KCTD1: variants seen among roughly 807,000 people sequenced by gnomAD.
KCTD1 encodes BTB/POZ domain-containing protein KCTD1.
A neutral mutation model predicts 66.0 loss-of-function variants in KCTD1; 24 were observed. The observed-to-expected ratio is 0.36, with a 90% CI of 0.26 to 0.51. The LOEUF (loss-of-function observed/expected upper bound fraction) is 0.51, where lower values mean the gene tolerates loss of function less well. Among genes scored for constraint, KCTD1 ranks in the 20% least tolerant of loss-of-function variants. KCTD1 has a pLI of 0.95. For synonymous variants in KCTD1, 511 were observed against 517.2 expected (o/e 0.99, Z 0.16); for missense variants, 943 against 1,205.2 (o/e 0.78, Z 3.22).
intron 2 of KCTD1, among the ~76,000 whole-genome samples, chr18:26,500,275 C>G (rs76421201): frequency 0.022 from 3,275 of 151,546 alleles, 120 homozygotes; most frequent in African/African-American, 0.075. Flanking sequence ...AAAAAAAAAG[C>G]TGGGCATGGG....
At chr18:26,532,261 CTTTTTTTTTTTTT>C (rs533359603) in intron 1 of KCTD1, among the ~76,000 whole-genome samples, 1 of 29,556 alleles carries the variant, frequency 3.4e-5, no homozygotes, top group African/African-American at 6.5e-5. Context: ...TTCTTTCCTT[CTTTTTTTTTTTTT>C]TTTTTTTTTT....
At chr18:26,497,452 T>G (rs1187166680) in intron 2 of KCTD1, among the ~76,000 whole-genome samples, 1 of 152,144 alleles carries the variant, frequency 6.6e-6, no homozygotes, top group East Asian at 1.9e-4. Flanking sequence ...CCTAATGTCC[T>G]TGGATTTATC....
rs576754507 is a variant in KCTD1, at chr18:26,489,713, C to G, written c.1988+11359G>C. Among the ~76,000 whole-genome samples the G allele has an allele frequency of 7.2e-5, 11 of 152,240 alleles. No homozygotes were observed. The South Asian group carries it at 1.0e-3, about 14-fold the overall frequency. The stretch of plus-strand genomic sequence containing the variant: ...TAACTTGTACGGGATTTTCTTCCAG[C>G]CTAGCATACGCATAGCATAGGTATC... On this transcript the variant is annotated intron_variant, in intron 2 of 4. Transcript: ENST00000580059.
chr18:26,600,804 T>A (rs1024896549), intron 1 of KCTD1, among the ~76,000 whole-genome samples: 4 of 151,932 alleles, frequency 2.6e-5, no homozygotes, highest in Non-Finnish European at 5.9e-5. Context: ...TCTCACAACC[T>A]CCTCAGGGCA....
intron 2 of KCTD1, among the ~76,000 whole-genome samples, chr18:26,492,134 T>C (rs1982232060): frequency 6.6e-6 from 1 of 152,056 alleles, no homozygotes; most frequent in African/African-American, 2.4e-5. Flanking sequence ...TCCAGTTACT[T>C]GAGAGGCTAA....
chr18:26,473,894 C>T (rs1019985962), intron 3 of KCTD1, among the ~76,000 whole-genome samples: 5 of 152,184 alleles, frequency 3.3e-5, no homozygotes, highest in African/African-American at 1.2e-4. Context: ...CATATAGTTG[C>T]CATGTAAAAT....
chr18:26,459,811 A>C lies in KCTD1; in HGVS notation c.2248T>G (p.Cys750Gly). ...TCTGGGGCCACACGCACGACGAGGC[A>C]CTCACAGGGCCTTGAAAATCGACCA... ...ETGRFSRPCE[C>G]LVVRVAPDLG... Residue 750 changes from cysteine to glycine, a missense_variant, in exon 4 of 5, where the codon TGC becomes GGC. Coordinates refer to ENST00000580059, the MANE Select transcript of KCTD1 (RefSeq NM_001142730.3). 6.2e-7 allele frequency: 1 copy of C among 1,614,126 alleles called. No individual in the cohort carries two copies. The highest frequency in any genetic ancestry group is 8.5e-7 in the Non-Finnish European group (1 of 1,180,016).
At position 26,546,961 on chromosome 18, in the gene KCTD1, C is replaced by T. The variant is rs1329464622; in HGVS notation, c.1576G>A (p.Val526Met). 4.1e-6 allele frequency: 6 copies of T among 1,470,564 alleles called. No individual in the cohort carries two copies. The highest frequency in any genetic ancestry group is 2.5e-5 in the Admixed American group (1 of 40,722). 91.1% of individuals were successfully genotyped at this position (1,470,564 alleles called of 1,614,324 possible). ...LPKDSQVGPD[V>M]KSEAAPKRAL... is the part of the protein sequence containing the mutation. ...CGCTTGGGCGCAGCCTCGGATTTCA[C>T]GTCGGGCCCGACCTGGCTGTCTTTG... The change falls in exon 1 of 5, where the codon GTG (valine) becomes ATG (methionine). Residue 526 changes from valine (V) to methionine (M), a missense_variant. Val to Met is a conservative substitution (Grantham distance 21). Coordinates refer to ENST00000580059, the MANE Select transcript of KCTD1 (RefSeq NM_001142730.3).
At chr18:26,504,696 G>A (rs1982940049) in intron 1 of KCTD1, among the ~76,000 whole-genome samples, 1 of 151,732 alleles carries the variant, frequency 6.6e-6, no homozygotes, top group South Asian at 2.1e-4. Context: ...AAAATCCTTA[G>A]GCTGGGGTTG....
chr18:26,486,235 ATAAAG>A (rs1335565831), intron 2 of KCTD1, among the ~76,000 whole-genome samples: 1 of 152,180 alleles, frequency 6.6e-6, no homozygotes, highest in Non-Finnish European at 1.5e-5. Context: ...TTGCAGCTCT[ATAAAG>A]TATTTTGATT....
chr18:26,603,918 A>G (rs1986955914), intron 1 of KCTD1, among the ~76,000 whole-genome samples: 2 of 152,148 alleles, frequency 1.3e-5, no homozygotes, highest in South Asian at 4.1e-4. Context: ...GATCTAATTA[A>G]ACTTAAGAGC....
chr18:26,519,302 T>G (rs1422718431), intron 1 of KCTD1, among the ~76,000 whole-genome samples: 1 of 152,244 alleles, frequency 6.6e-6, no homozygotes, highest in Non-Finnish European at 1.5e-5. Context: ...CCTTCCTGTT[T>G]GTCTAATCTC....
chr18:26,588,284 A>G (rs1370206833), intron 1 of KCTD1, among the ~76,000 whole-genome samples: 2 of 120,506 alleles, frequency 1.7e-5, no homozygotes, highest in African/African-American at 3.0e-5. Context: ...AAAGAAAAGA[A>G]AGAAAGAGGG....
chr18:26,556,596 G>T (rs1985712918), intron 1 of KCTD1, among the ~76,000 whole-genome samples: 2 of 152,220 alleles, frequency 1.3e-5, no homozygotes, highest in South Asian at 4.1e-4. Flanking sequence ...CAGAAATCTG[G>T]AAACATACAT....
At chr18:26,521,063 A>C (rs1487968300) in intron 1 of KCTD1, among the ~76,000 whole-genome samples, 2 of 152,194 alleles carry the variant, frequency 1.3e-5, no homozygotes, top group African/African-American at 4.8e-5. Flanking sequence ...TACAAACCAG[A>C]AGGCAAAGCT....
chr18:26,632,177 G>C (rs1319855295), upstream of KCTD1, among the ~76,000 whole-genome samples: 1 of 152,084 alleles, frequency 6.6e-6, no homozygotes, highest in Non-Finnish European at 1.5e-5. Context: ...TTGAGGTCAG[G>C]AGTTTGAGAC....
At chr18:26,461,496 C>T (rs1980422139) in intron 3 of KCTD1, among the ~76,000 whole-genome samples, 1 of 152,188 alleles carries the variant, frequency 6.6e-6, no homozygotes, top group African/African-American at 2.4e-5. Flanking sequence ...TACTGTTTTG[C>T]TTTAAGGAGC....
intron 1 of KCTD1, among the ~76,000 whole-genome samples, chr18:26,657,057 C>G (rs1278898307): frequency 6.6e-6 from 1 of 151,398 alleles, no homozygotes; most frequent in Non-Finnish European, 1.5e-5. Context: ...ACCCGGCCCC[C>G]GGCCGCGGCC....
intron 3 of KCTD1, among the ~76,000 whole-genome samples, chr18:26,467,877 G>C (rs1980833155): frequency 1.3e-5 from 2 of 152,146 alleles, no homozygotes; most frequent in South Asian, 4.2e-4. Flanking sequence ...AACATATCCA[G>C]GGCTAGGTAA....
Sources: gnomAD v4.1 joint callset for allele counts (sites outside exome capture counted in the v4.1 genomes callset) on GRCh38, gnomAD v4.1.1 for gene constraint, MANE v1.5 for transcripts, NCBI Gene and HGNC (gene_info 2026-07-23, HGNC 2026-07-21) for gene names.